SYNJ2: variants seen among roughly 807,000 people sequenced by gnomAD.
The protein encoded by SYNJ2 is synaptojanin 2.
Under a neutral mutation model 141.3 loss-of-function variants are expected in SYNJ2, and 116 were observed. The observed-to-expected ratio is 0.82, with a 90% confidence interval of 0.71 to 0.96. The LOEUF (loss-of-function observed/expected upper bound fraction) is 0.96. Ranked by LOEUF, SYNJ2 falls within the 40% of genes least tolerant of loss-of-function variation. The probability of loss-of-function intolerance (pLI) is 0.00; values close to 1 mark genes in which losing one functional copy is unlikely to be tolerated. For synonymous variants in SYNJ2, 745 were observed against 777.7 expected, an observed-to-expected ratio of 0.96 and a Z score of 0.70; for missense variants, 1,873 against 1,934.8, an observed-to-expected ratio of 0.97 and a Z score of 0.60.
intron 12 of SYNJ2, chr6:158,068,016 G>C (rs775086949): frequency 4.1e-6 from 4 of 984,390 alleles, no homozygotes; most frequent in Non-Finnish European, 3.6e-6. Context: ...GGATTTTTTT[G>C]GGGTAGACAC....
In SYNJ2 at chr6:158,017,026, G is replaced by A. The variant is rs756667993; in HGVS notation, c.128-178G>A. ...TGTTGGTGGGAAGGTCTGAATCCTTGCAGCTCTGTGATTCGCGAATCATAA... is the reference window on the plus strand; with the variant it reads ...TGTTGGTGGGAAGGTCTGAATCCTTACAGCTCTGTGATTCGCGAATCATAA... On this transcript the variant is annotated intron_variant, in intron 1 of 26. Coordinates refer to ENST00000355585, the MANE Select transcript of SYNJ2 (RefSeq NM_003898.4). The A allele has an allele frequency of 2.1e-4, 281 of 1,328,768 alleles. 1 individual carries two copies. The highest frequency in any genetic ancestry group is 2.6e-4 in the Non-Finnish European group (272 of 1,038,768). The allele number at this position is 1,328,768 out of a possible 1,614,324, so 82.3% of individuals were successfully genotyped here.
rs140155249 is a variant in SYNJ2, at chr6:158,047,254, C to T, written c.795+3855C>T. Reference sequence around the variant, plus strand: ...ACCTGACGCTTGTTCCAAGCTTCCCCGCAGCCACCACAGAAAGAACCACAG... The same window carrying T: ...ACCTGACGCTTGTTCCAAGCTTCCCTGCAGCCACCACAGAAAGAACCACAG... On this transcript the variant is annotated intron_variant, in intron 5 of 26. Transcript: ENST00000355585. Among the ~76,000 whole-genome samples, 1,018 of 152,172 alleles carry T rather than the reference C, an allele frequency of 6.7e-3. 17 individuals are homozygous for T. Among genetic ancestry groups the T allele is most frequent in the African/African-American group, 0.023 (970 of 41,512 alleles).
chr6:157,999,592 G>A (rs748984017), intron 1 of SYNJ2, among the ~76,000 whole-genome samples: 1 of 152,188 alleles, frequency 6.6e-6, no homozygotes, highest in Non-Finnish European at 1.5e-5. Flanking sequence ...ATCCAGGTGG[G>A]GCTCAGGTGC....
chr6:157,982,219 G>C lies in SYNJ2; in HGVS notation c.127+131G>C. 2 of 1,160,922 alleles carry C rather than the reference G, an allele frequency of 1.7e-6. No individual in the cohort carries two copies. Among genetic ancestry groups the C allele is most frequent in the Non-Finnish European group, 2.2e-6 (2 of 919,284 alleles). 71.9% of individuals were successfully genotyped at this position (1,160,922 alleles called of 1,614,324 possible). A position where few individuals can be genotyped will look rare whatever the true frequency, so the allele number is the denominator to read the frequency against. ...GGGACTGCCGGGGCGTAGGGGTCGC[G>C]CGCAGAGGGGTGGCTGTTTGAATGA... On this transcript the variant is annotated intron_variant, in intron 1 of 26. Coordinates refer to ENST00000355585, the MANE Select transcript of SYNJ2 (RefSeq NM_003898.4). The surrounding 1 kb of genome is among the most constrained non-coding windows in gnomAD (Gnocchi z 4.0).
intron 12 of SYNJ2, chr6:158,067,305 C>A: frequency 1.9e-6 from 1 of 514,504 alleles, no homozygotes; most frequent in Non-Finnish European, 2.5e-6. Flanking sequence ...AGGCATGCGC[C>A]ACCGCGCCTG....
At chr6:158,080,333 G>T (rs1782590772) in intron 18 of SYNJ2, among the ~76,000 whole-genome samples, 1 of 152,036 alleles carries the variant, frequency 6.6e-6, no homozygotes, top group South Asian at 2.1e-4. Context: ...AAATTAGCTG[G>T]TCATGGTGGC....
Position 158,086,866 on chromosome 6 carries a change from C to A in SYNJ2, c.3220C>A (p.Leu1074Met). The change falls in exon 23 of 27, where the codon CTG (leucine) becomes ATG (methionine). Residue 1074 changes from leucine to methionine, a missense_variant. Physicochemically the swap from Leu to Met is conservative, Grantham distance 15. Transcript: ENST00000355585. ...GCCATGTCCTCCAGATGACGCGGAC[C>A]TGGTGGAGCTCAAGCGGGAGCTGGA... is the stretch of plus-strand genomic sequence containing the variant. Reference protein sequence around the residue: ...QHPTYKDDADLVELKRELEAV... With the variant: ...QHPTYKDDADMVELKRELEAV... 1 of 1,611,710 alleles carries A rather than the reference C, an allele frequency of 6.2e-7. No homozygotes were observed. Among genetic ancestry groups the A allele is most frequent in the Admixed American group, 1.7e-5 (1 of 60,028 alleles).
At chr6:157,993,710 CTTTTT>C (rs34971762) in intron 1 of SYNJ2, among the ~76,000 whole-genome samples, 1 of 40,558 alleles carries the variant, frequency 2.5e-5, no homozygotes, top group Non-Finnish European at 4.3e-5. Context: ...TCTTGCATAG[CTTTTT>C]TTTTTTTTTT....
rs1454827493 is a variant in SYNJ2 at position 158,064,620 on chromosome 6, A to G, written c.1229A>G (p.Lys410Arg). Residue 410 changes from lysine to arginine, a missense_variant, in exon 10 of 27, where the codon AAG becomes AGG. Transcript: ENST00000355585. ...IALEVLHLQL[K>R]TLGLSSKPIV... ...CCCCAGGTCCTGCATCTGCAGCTCA[A>G]GACCCTGGGGCTGAGTTCAAAACCC... The G allele has an allele frequency of 4.3e-6, 7 of 1,613,990 alleles. No individual in the cohort carries two copies. The highest frequency in any genetic ancestry group is 5.9e-6 in the Non-Finnish European group (7 of 1,180,016).
chr6:158,000,677 A>G (rs1302410021), intron 1 of SYNJ2, among the ~76,000 whole-genome samples: 1 of 151,770 alleles, frequency 6.6e-6, no homozygotes, highest in African/African-American at 2.4e-5. Context: ...AGCCTTCTGG[A>G]ACTGTCTTCA....
chr6:158,060,654 C>T (rs1781164262), intron 7 of SYNJ2, among the ~76,000 whole-genome samples: 1 of 152,206 alleles, frequency 6.6e-6, no homozygotes, highest in African/African-American at 2.4e-5. Flanking sequence ...CCAGAAGTGT[C>T]TCCCTTCCCA....
chr6:157,987,372 G>A (rs1459764336), intron 1 of SYNJ2, among the ~76,000 whole-genome samples: 2 of 152,032 alleles, frequency 1.3e-5, no homozygotes, highest in South Asian at 2.1e-4. Flanking sequence ...GATGATTAAC[G>A]TAGTCATCAC....
intron 26 of SYNJ2, among the ~76,000 whole-genome samples, chr6:158,094,554 G>T (rs1357750390): frequency 2.0e-5 from 3 of 152,216 alleles, no homozygotes; most frequent in Admixed American, 2.0e-4. Flanking sequence ...ACCATTGTAA[G>T]TCGGGGACCA....
At chr6:158,009,068 C>A (rs1033041071) in intron 1 of SYNJ2, among the ~76,000 whole-genome samples, 5 of 152,224 alleles carry the variant, frequency 3.3e-5, no homozygotes, top group African/African-American at 1.2e-4. Flanking sequence ...CCTCCACTCT[C>A]CATGCAGCCA....
chr6:158,071,456 G>A lies in SYNJ2; in HGVS notation c.1941-146G>A, dbSNP rs1781916586. On this transcript the variant is annotated intron_variant, in intron 14 of 26. Transcript: ENST00000355585. The surrounding 1 kb of genome is among the most constrained non-coding windows in gnomAD (Gnocchi z 4.3). The stretch of plus-strand genomic sequence containing the variant: ...GCCTCCTGACCAGGAGTCGATGACG[G>A]CCACGGTGGCCACTGTGTTGAGCTG... 1 of 902,344 alleles carries A rather than the reference G, an allele frequency of 1.1e-6. No homozygotes were observed. The highest frequency in any genetic ancestry group is 2.7e-5 in the East Asian group (1 of 37,254). 55.9% of individuals were successfully genotyped at this position (902,344 alleles called of 1,614,324 possible).
At chr6:158,046,033 C>T (rs930443066) in intron 5 of SYNJ2, among the ~76,000 whole-genome samples, 1 of 152,178 alleles carries the variant, frequency 6.6e-6, no homozygotes, top group African/African-American at 2.4e-5. Context: ...ACCTCCACTT[C>T]CTGGGTTCAA....
chr6:158,060,078 C>G (rs1312618729), intron 7 of SYNJ2, among the ~76,000 whole-genome samples: 1 of 152,216 alleles, frequency 6.6e-6, no homozygotes, highest in African/African-American at 2.4e-5. Context: ...ACAGGGCACC[C>G]GGCCTCAGGG....
intron 12 of SYNJ2, chr6:158,067,309 G>T (rs1484867764): frequency 1.1e-5 from 6 of 548,744 alleles, no homozygotes; most frequent in Non-Finnish European, 1.4e-5. Flanking sequence ...ATGCGCCACC[G>T]CGCCTGGCCC....
intron 1 of SYNJ2, among the ~76,000 whole-genome samples, chr6:158,000,778 C>A (rs558673773): frequency 1.3e-5 from 2 of 152,238 alleles, no homozygotes; most frequent in Admixed American, 6.5e-5. Context: ...CGCACTCCCC[C>A]CAAGCTGGGC....
Sources: gnomAD v4.1 joint callset for allele counts (sites outside exome capture counted in the v4.1 genomes callset) on GRCh38, gnomAD v4.1.1 for gene constraint, Gnocchi (gnomAD v3.1) non-coding constraint, MANE v1.5 for transcripts, NCBI Gene and HGNC (gene_info 2026-07-23, HGNC 2026-07-21) for gene names.